MARCHF1: variants seen among roughly 807,000 people sequenced by gnomAD.
The protein encoded by MARCHF1 is membrane associated ring-CH-type finger 1.
A neutral mutation model predicts 54.2 loss-of-function variants in MARCHF1; 40 were observed. The observed-to-expected ratio is 0.74, with a 90% CI of 0.57 to 0.96. The LOEUF (loss-of-function observed/expected upper bound fraction) is 0.96, where lower values mean the gene tolerates loss of function less well. Among genes scored for constraint, MARCHF1 ranks in the 40% least tolerant of loss-of-function variants. The probability of loss-of-function intolerance (pLI) is 0.00; values close to 1 mark genes in which losing one functional copy is unlikely to be tolerated. For synonymous variants in MARCHF1, 236 were observed against 236.3 expected (o/e 1.00, Z 0.01); for missense variants, 586 against 656.5 (o/e 0.89, Z 1.17).
chr4:163,691,865 T>C (rs781618656), intron 5 of MARCHF1, among the ~76,000 whole-genome samples: 5 of 152,160 alleles, frequency 3.3e-5, no homozygotes, highest in African/African-American at 7.2e-5. Context: ...TGATCATAGC[T>C]ACTCCCTTCT....
intron 1 of MARCHF1, among the ~76,000 whole-genome samples, chr4:164,304,306 T>C (rs1218058609): frequency 6.6e-6 from 1 of 152,214 alleles, no homozygotes; most frequent in East Asian, 1.9e-4. Flanking sequence ...TATTAAATGC[T>C]AAAGAGGCAA....
intron 3 of MARCHF1, among the ~76,000 whole-genome samples, chr4:163,883,258 TGAGAGAGAG>T (rs1750457462): frequency 1.4e-5 from 2 of 145,548 alleles, no homozygotes; most frequent in Non-Finnish European, 3.0e-5. Context: ...TATATATATA[TGAGAGAGAG>T]AGAGAGAGAG....
intron 1 of MARCHF1, among the ~76,000 whole-genome samples, chr4:164,362,525 C>T (rs757607642): frequency 5.3e-5 from 8 of 152,070 alleles, no homozygotes; most frequent in Non-Finnish European, 1.0e-4. Flanking sequence ...CATAGATGCC[C>T]AAGGCTAATT....
chr4:163,841,431 A>G (rs775131376), intron 4 of MARCHF1, among the ~76,000 whole-genome samples: 15 of 133,694 alleles, frequency 1.1e-4, no homozygotes, highest in Non-Finnish European at 1.9e-4. Context: ...TAAAATTGCT[A>G]TATAAAATAG....
Position 163,959,032 on chromosome 4 carries a change from A to G in MARCHF1, c.-39+29469T>C, listed in dbSNP as rs1482085907. On this transcript the variant is annotated intron_variant, in intron 3 of 9. Transcript: ENST00000514618. Reference sequence around the variant, plus strand: ...AAGAAAAACTGAGGCTCCCCAGCCAAATGCCAGCTAGAGACCCCAGAAATG... The same window carrying G: ...AAGAAAAACTGAGGCTCCCCAGCCAGATGCCAGCTAGAGACCCCAGAAATG... 2.0e-5 allele frequency among the ~76,000 whole-genome samples: 3 copies of G among 151,898 alleles called. No homozygotes were observed. In the East Asian group the frequency reaches 5.8e-4, roughly 29 times the overall value.
chr4:163,833,165 C>T (rs1231923412), intron 4 of MARCHF1, among the ~76,000 whole-genome samples: 14 of 152,116 alleles, frequency 9.2e-5, no homozygotes, highest in Admixed American at 2.6e-4. Flanking sequence ...GGAATCGCCA[C>T]GCTGACTTCC....
At chr4:163,666,773 C>A (rs561798569) in intron 5 of MARCHF1, among the ~76,000 whole-genome samples, 1 of 151,882 alleles carries the variant, frequency 6.6e-6, no homozygotes, top group African/African-American at 2.4e-5. Context: ...TGTTTCTAAC[C>A]ACAGTTATAT....
At chr4:163,762,848 C>T (rs1746866802) in intron 4 of MARCHF1, among the ~76,000 whole-genome samples, 1 of 151,920 alleles carries the variant, frequency 6.6e-6, no homozygotes, top group South Asian at 2.1e-4. Context: ...ACATAAATGG[C>T]CATTTTAAAA....
intron 3 of MARCHF1, among the ~76,000 whole-genome samples, chr4:163,977,935 C>T (rs959388679): frequency 6.6e-6 from 1 of 152,066 alleles, no homozygotes; most frequent in Non-Finnish European, 1.5e-5. Flanking sequence ...CAATCAGGAG[C>T]ATTACTACCA....
intron 3 of MARCHF1, among the ~76,000 whole-genome samples, chr4:163,912,066 T>G (rs6854801): frequency 0.023 from 20 of 868 alleles, no homozygotes; most frequent in Middle Eastern, 0.5. Context: ...GAATGCAGGG[T>G]TTTTTTTTTT....
At chr4:163,583,027 C>T (rs1429030177) in intron 8 of MARCHF1, among the ~76,000 whole-genome samples, 1 of 152,134 alleles carries the variant, frequency 6.6e-6, no homozygotes. Flanking sequence ...ACTGAATGCA[C>T]GTTCCTCATG....
intron 1 of MARCHF1, among the ~76,000 whole-genome samples, chr4:164,279,020 G>A (rs1347206780): frequency 6.6e-6 from 1 of 151,494 alleles, no homozygotes; most frequent in Non-Finnish European, 1.5e-5. Context: ...CTATAGACCA[G>A]TATTTTATTT....
chr4:164,304,476 G>A (rs1734647211), intron 1 of MARCHF1, among the ~76,000 whole-genome samples: 1 of 152,138 alleles, frequency 6.6e-6, no homozygotes, highest in African/African-American at 2.4e-5. Flanking sequence ...ACTATTTAGA[G>A]TCAGAATATA....
intron 5 of MARCHF1, among the ~76,000 whole-genome samples, chr4:163,630,835 A>T (rs1036184256): frequency 2.0e-5 from 3 of 152,164 alleles, no homozygotes; most frequent in Non-Finnish European, 4.4e-5. Context: ...AAAAATTGGT[A>T]GTGCAGAAAA....
chr4:163,847,865 G>C (rs1253357930), intron 4 of MARCHF1, among the ~76,000 whole-genome samples: 1 of 152,174 alleles, frequency 6.6e-6, no homozygotes, highest in Non-Finnish European at 1.5e-5. Context: ...ACAGGCATGA[G>C]CCACTGCACC....
At chr4:163,781,021 C>T (rs1440310642) in intron 4 of MARCHF1, among the ~76,000 whole-genome samples, 1 of 152,112 alleles carries the variant, frequency 6.6e-6, no homozygotes, top group Non-Finnish European at 1.5e-5. Context: ...TAAGTCTTGA[C>T]TGTTGGAAGA....
At chr4:164,023,290 C>T (rs111905141) in intron 2 of MARCHF1, among the ~76,000 whole-genome samples, 22 of 152,270 alleles carry the variant, frequency 1.4e-4, no homozygotes, top group African/African-American at 5.1e-4. Flanking sequence ...AAGGGGGCTC[C>T]TCCAAGGCCC....
At chr4:164,166,182 C>A (rs1324794727) in intron 1 of MARCHF1, among the ~76,000 whole-genome samples, 1 of 151,962 alleles carries the variant, frequency 6.6e-6, no homozygotes, top group Non-Finnish European at 1.5e-5. Flanking sequence ...TCAGCCTAAT[C>A]AGGATTCTTG....
chr4:164,182,509 CTCCT>C lies in MARCHF1; in HGVS notation c.-322-70851_-322-70848del, dbSNP rs555114016. Among the ~76,000 whole-genome samples the C allele has an allele frequency of 3.0e-4, 45 of 151,782 alleles. 1 individual carries two copies. Among genetic ancestry groups the C allele is most frequent in the Middle Eastern group, 3.4e-3 (1 of 294 alleles). On this transcript the variant is annotated intron_variant, in intron 1 of 9. Transcript: ENST00000514618. ...ATTTTTCTCAAAGAATATCATCTCTCTCCTTCCTTCCTTCCTTCCATCCTTCCTT... is the reference window on the plus strand; with the variant it reads ...ATTTTTCTCAAAGAATATCATCTCTCTCCTTCCTTCCTTCCATCCTTCCTT...
Sources: allele counts gnomAD v4.1 joint callset (sites outside exome capture counted in the v4.1 genomes callset), GRCh38; gene constraint gnomAD v4.1.1; transcripts MANE v1.5; gene names NCBI Gene and HGNC (gene_info 2026-07-23, HGNC 2026-07-21).